C3orf18: variants seen among roughly 807,000 people sequenced by gnomAD.
C3orf18 encodes the protein uncharacterized protein C3orf18.
Under a neutral mutation model 14.1 loss-of-function variants are expected in C3orf18, and 12 were observed. That is an observed-to-expected ratio of 0.85 (90% CI 0.55 to 1.38). C3orf18 has a LOEUF of 1.38. Ranked by LOEUF, C3orf18 falls within the 40% of genes most tolerant of loss-of-function variation. The pLI is 0.00. For missense variants in C3orf18, 196 were observed against 213.9 expected, an observed-to-expected ratio of 0.92 and a Z score of 0.52; for synonymous variants, 82 against 87.9, an observed-to-expected ratio of 0.93 and a Z score of 0.38.
rs775277087 is a variant in C3orf18 at position 50,561,727 on chromosome 3, C to T, written c.255G>A (p.Lys85=). The change falls in exon 4 of 6, where the codon AAG becomes AAA. Residue 85 remains lysine, a synonymous_variant. Coordinates refer to ENST00000357203, the MANE Select transcript of C3orf18 (RefSeq NM_016210.5). The part of the protein sequence containing the change: ...AVALVLYIRK[K]KRLEKLRHQL... The stretch of plus-strand genomic sequence containing the variant: ...GGGTTTGGGTGGGGAATTACCTCTT[C>T]TTCTTCCTGATGTACAAAACCTGCA... The T allele has an allele frequency of 1.2e-6, 2 of 1,613,648 alleles. No individual in the cohort carries two copies. Among genetic ancestry groups the T allele is most frequent in the South Asian group, 2.2e-5 (2 of 91,056 alleles).
At chr3:50,571,696 C>A (rs1268025112), upstream of C3orf18, 31 of 1,613,518 alleles carry the variant, frequency 1.9e-5, no homozygotes, top group Non-Finnish European at 2.6e-5. Flanking sequence ...CACTTATATT[C>A]TCTGTGGGGA....
chr3:50,563,472 C>T (rs1700109376), intron 3 of C3orf18, among the ~76,000 whole-genome samples: 1 of 152,182 alleles, frequency 6.6e-6, no homozygotes, highest in African/African-American at 2.4e-5. Context: ...ACAGCCACCC[C>T]CACACCTTCC....
chr3:50,573,522 T>G (rs1701251310), upstream of C3orf18, among the ~76,000 whole-genome samples: 1 of 152,216 alleles, frequency 6.6e-6, no homozygotes. Context: ...GTGTGGACTT[T>G]GGCTCCCATG....
In C3orf18 at chr3:50,567,588, C is replaced by G. The variant is rs1162573787; in HGVS notation, c.-377G>C. 4 of 152,330 alleles carry G rather than the reference C, an allele frequency of 2.6e-5. No individual in the cohort carries two copies. Among genetic ancestry groups the G allele is most frequent in the Middle Eastern group, 3.2e-3 (1 of 314 alleles). 9.4% of individuals were successfully genotyped at this position (152,330 alleles called of 1,614,324 possible). On this transcript the variant is annotated 5_prime_UTR_variant, in exon 1 of 6. Transcript: ENST00000357203. ...CTGCGGGTCCGACCCGAGATCCGCC[C>G]TCCCTGCAAGCCCCGAGCCGCTGGC...
At chr3:50,566,535 C>T (rs978738521) in intron 1 of C3orf18, among the ~76,000 whole-genome samples, 3 of 152,126 alleles carry the variant, frequency 2.0e-5, no homozygotes, top group Non-Finnish European at 4.4e-5. Context: ...CTCCCCATGG[C>T]CAACCCAGTC....
intron 3 of C3orf18, chr3:50,562,683 C>T (rs754075276): frequency 4.5e-5 from 17 of 375,310 alleles, no homozygotes; most frequent in Middle Eastern, 4.5e-4. Context: ...TGGTGGTCTC[C>T]GGAGTTCCTA....
At chr3:50,567,137 T>C (rs1700356055) in intron 1 of C3orf18, among the ~76,000 whole-genome samples, 1 of 152,156 alleles carries the variant, frequency 6.6e-6, no homozygotes, top group Non-Finnish European at 1.5e-5. Flanking sequence ...TCTGGGCACA[T>C]AGGAAGTCCC....
upstream of C3orf18, chr3:50,571,860 C>T (rs565289257): frequency 4.6e-6 from 7 of 1,520,714 alleles, no homozygotes; most frequent in East Asian, 1.1e-4. Flanking sequence ...TCCAGCCTCC[C>T]CTATCCCCAC....
At position 50,560,924 on chromosome 3, in the gene C3orf18, T is replaced by C; in HGVS notation, c.401A>G (p.Gln134Arg). 1 of 1,611,278 alleles carries C rather than the reference T, an allele frequency of 6.2e-7. No homozygotes were observed. Among genetic ancestry groups the C allele is most frequent in the Non-Finnish European group, 8.5e-7 (1 of 1,178,630 alleles). ...VQAATSVQAMQGKTTLPSQGP... is the reference protein window; with the variant it reads ...VQAATSVQAMRGKTTLPSQGP... ...AGCCTGGTCAGTGCCCACCTTGCCCTGCATGGCCTGCACAGAAGTAGCAGC... is the reference window on the plus strand; with the variant it reads ...AGCCTGGTCAGTGCCCACCTTGCCCCGCATGGCCTGCACAGAAGTAGCAGC... The change falls in exon 5 of 6, where the codon CAG becomes CGG. Residue 134 changes from glutamine to arginine, a missense_variant. Physicochemically the swap from Gln to Arg is conservative, Grantham distance 43 (BLOSUM62 1). Coordinates refer to ENST00000357203, the MANE Select transcript of C3orf18 (RefSeq NM_016210.5).
intron 4 of C3orf18, 46 bp downstream of exon 4, chr3:50,561,676 A>G: frequency 6.3e-7 from 1 of 1,599,834 alleles, no homozygotes; most frequent in Non-Finnish European, 8.6e-7. Flanking sequence ...AGCACTCCCC[A>G]TGGCCTCAAG....
At chr3:50,573,392 G>C (rs963187291), upstream of C3orf18, among the ~76,000 whole-genome samples, 2 of 152,202 alleles carry the variant, frequency 1.3e-5, no homozygotes, top group African/African-American at 4.8e-5. Context: ...GAAAACACGT[G>C]ATCTCTGGCG....
upstream of C3orf18, among the ~76,000 whole-genome samples, chr3:50,568,725 CAAAAAAAAAAAAA>C (rs66828816): frequency 1.2e-5 from 1 of 84,040 alleles, no homozygotes; most frequent in Non-Finnish European, 2.5e-5. Context: ...AACTCCGTCT[CAAAAAAAAAAAAA>C]AAAAAAAAGA....
At chr3:50,566,944 A>G (rs928999261) in intron 1 of C3orf18, among the ~76,000 whole-genome samples, 1 of 152,158 alleles carries the variant, frequency 6.6e-6, no homozygotes, top group Non-Finnish European at 1.5e-5. Flanking sequence ...TCGTGGGTGC[A>G]TACATCCCCC....
In C3orf18 at chr3:50,563,899, GC is replaced by G. The variant is rs1276587180; in HGVS notation, c.234+1566del. Reference sequence around the variant, plus strand: ...GAGGGCAGTTTCTAGGCCCCATTCTGCCCTTAAGGGTGCCTCCATCTGCTTA... The same window carrying G: ...GAGGGCAGTTTCTAGGCCCCATTCTGCCTTAAGGGTGCCTCCATCTGCTTA... On this transcript the variant is annotated intron_variant, in intron 3 of 5. Transcript: ENST00000357203. Among the ~76,000 whole-genome samples the G allele has an allele frequency of 5.9e-5, 9 of 152,364 alleles. No homozygotes were observed. In the East Asian group the frequency reaches 1.7e-3, roughly 29 times the overall value.
At chr3:50,562,377 G>T (rs1700036261) in intron 3 of C3orf18, 1 of 423,700 alleles carries the variant, frequency 2.4e-6, no homozygotes, top group Admixed American at 2.6e-5. Context: ...ACCTGCCTGT[G>T]GCTCCCCAGG....
upstream of C3orf18, among the ~76,000 whole-genome samples, chr3:50,573,153 G>A (rs1701204385): frequency 1.3e-5 from 2 of 152,170 alleles, no homozygotes; most frequent in Admixed American, 6.5e-5. Flanking sequence ...TCACTGCCCA[G>A]TGTCAGGGCA....
At chr3:50,559,848 A>G (rs1699857738) in intron 5 of C3orf18, 111 bp from the exon 6 acceptor site, 1 of 615,796 alleles carries the variant, frequency 1.6e-6, no homozygotes, top group South Asian at 3.1e-5. Context: ...GGCACTAGCA[A>G]TGGCTTCTGC....
chr3:50,562,343 T>C (rs1022563977), intron 3 of C3orf18: 3 of 382,522 alleles, frequency 7.8e-6, no homozygotes, highest in Non-Finnish European at 1.6e-5. Context: ...CTGCCAATAC[T>C]AACTGTAGCT....
At chr3:50,569,030 A>C (rs1700588059), upstream of C3orf18, 1 of 152,250 alleles carries the variant, frequency 6.6e-6, no homozygotes, top group African/African-American at 2.4e-5. Context: ...CCAAAGTTGG[A>C]CCAGCCTTCA....
Sources: allele counts gnomAD v4.1 joint callset (sites outside exome capture counted in the v4.1 genomes callset), GRCh38; gene constraint gnomAD v4.1.1; transcripts MANE v1.5; gene names NCBI Gene and HGNC (gene_info 2026-07-23, HGNC 2026-07-21).